Variants in SYT1 observed in about 807,000 individuals in gnomAD.
SYT1 encodes synaptotagmin 1, also known as synaptotagmin-1.
A neutral mutation model predicts 44.8 loss-of-function variants in SYT1; 8 were observed. That is an observed-to-expected ratio of 0.18 (90% CI 0.10 to 0.32). The LOEUF (loss-of-function observed/expected upper bound fraction) is 0.32, where lower values mean the gene tolerates loss of function less well. Ranked by LOEUF, SYT1 falls within the 10% of genes least tolerant of loss-of-function variation. The pLI is 1.00. For synonymous variants in SYT1, 154 were observed against 188.8 expected, an observed-to-expected ratio of 0.82 and a Z score of 1.51; for missense variants, 286 against 509.3, an observed-to-expected ratio of 0.56 and a Z score of 4.22.
chr12:78,981,712 G>C (rs1869276157), intron 2 of SYT1, among the ~76,000 whole-genome samples: 1 of 152,126 alleles, frequency 6.6e-6, no homozygotes, highest in East Asian at 1.9e-4. Flanking sequence ...TTACCAATTT[G>C]CTGCCTTTGT....
At chr12:79,291,946 A>T in intron 5 of SYT1, 62 bp from the exon 6 acceptor site, 1 of 1,602,856 alleles carries the variant, frequency 6.2e-7, no homozygotes, top group Non-Finnish European at 8.5e-7. Flanking sequence ...CTACAGGCCC[A>T]GTTCAATTTG....
chr12:79,110,129 T>C (rs549830882), intron 3 of SYT1, among the ~76,000 whole-genome samples: 1 of 152,320 alleles, frequency 6.6e-6, no homozygotes, highest in South Asian at 2.1e-4. Context: ...TTCTACTCCA[T>C]TTCTCAAGAA....
intron 3 of SYT1, among the ~76,000 whole-genome samples, chr12:79,155,488 T>C (rs933350830): frequency 1.3e-5 from 2 of 152,216 alleles, no homozygotes; most frequent in African/African-American, 4.8e-5. Context: ...GTTGACATTA[T>C]ATTCTTTTAA....
rs1197148512 is a variant in SYT1 at position 79,217,648 on chromosome 12, G to A, written c.129G>A (p.Leu43=). 6.2e-7 allele frequency: 1 copy of A among 1,612,868 alleles called. No homozygotes were observed. The highest frequency in any genetic ancestry group is 8.5e-7 in the Non-Finnish European group (1 of 1,179,514). The change falls in exon 4 of 11, where the codon CTG becomes CTA. Residue 43 remains leucine (L), a synonymous_variant. Coordinates refer to ENST00000261205, the MANE Select transcript of SYT1 (RefSeq NM_005639.3). ...GAAAGGAAGATGCATTTTCTAAGCT[G>A]AAGGAGAAGTTTATGAATGAGTTGC... ...GEGKEDAFSK[L]KEKFMNELHK... is the part of the protein sequence containing the mutation.
intron 3 of SYT1, among the ~76,000 whole-genome samples, chr12:79,051,713 G>C (rs1487010749): frequency 6.6e-6 from 1 of 151,894 alleles, no homozygotes; most frequent in East Asian, 1.9e-4. Context: ...TACTTCCCAA[G>C]ATTCTCTGAG....
intron 3 of SYT1, among the ~76,000 whole-genome samples, chr12:79,100,164 C>T (rs868711294): frequency 4.6e-4 from 70 of 151,958 alleles, no homozygotes; most frequent in Middle Eastern, 6.8e-3. Context: ...AGGAGGAGTT[C>T]GTTAATATTA....
chr12:79,211,643 A>G (rs1874464101), intron 3 of SYT1, among the ~76,000 whole-genome samples: 1 of 128,858 alleles, frequency 7.8e-6, no homozygotes, highest in African/African-American at 3.0e-5. Context: ...TCCTGTGTCC[A>G]TGTGATCTCA....
At chr12:79,238,366 G>T (rs1184370562) in intron 4 of SYT1, among the ~76,000 whole-genome samples, 2 of 152,162 alleles carry the variant, frequency 1.3e-5, no homozygotes, top group Admixed American at 6.6e-5. Flanking sequence ...CATGGCAAAT[G>T]CTTCAGATAT....
intron 3 of SYT1, among the ~76,000 whole-genome samples, chr12:79,069,019 A>T (rs373914285): frequency 6.6e-6 from 1 of 152,290 alleles, no homozygotes; most frequent in East Asian, 1.9e-4. Context: ...AGACCATTTC[A>T]ATACTCTTCC....
intron 1 of SYT1, among the ~76,000 whole-genome samples, chr12:78,932,308 TA>T (rs1877802703): frequency 6.6e-6 from 1 of 152,192 alleles, no homozygotes; most frequent in Non-Finnish European, 1.5e-5. Flanking sequence ...GAGGGAGACA[TA>T]AGCCTGCTGC....
At chr12:79,035,373 A>G (rs1253827257) in intron 2 of SYT1, among the ~76,000 whole-genome samples, 1 of 151,708 alleles carries the variant, frequency 6.6e-6, no homozygotes, top group Non-Finnish European at 1.5e-5. Context: ...CCATCCTTAT[A>G]GGAAATGTGC....
intron 4 of SYT1, among the ~76,000 whole-genome samples, chr12:79,245,506 A>G (rs1876796251): frequency 6.6e-6 from 1 of 151,334 alleles, no homozygotes; most frequent in African/African-American, 2.4e-5. Context: ...AAAAAAGAAA[A>G]AAAAAACTTC....
intron 2 of SYT1, among the ~76,000 whole-genome samples, chr12:79,012,476 T>C (rs1281221670): frequency 1.6e-4 from 25 of 152,178 alleles, no homozygotes; most frequent in Admixed American, 1.6e-3. Context: ...GGTACTATTC[T>C]GGTATACAAA....
intron 3 of SYT1, among the ~76,000 whole-genome samples, chr12:79,101,749 GTA>G (rs1158508717): frequency 6.6e-6 from 1 of 151,788 alleles, no homozygotes; most frequent in Non-Finnish European, 1.5e-5. Flanking sequence ...TCTACAAAAA[GTA>G]AAAAAATTAG....
At chr12:79,119,675 G>A (rs1254798727) in intron 3 of SYT1, among the ~76,000 whole-genome samples, 3 of 150,858 alleles carry the variant, frequency 2.0e-5, no homozygotes, top group Admixed American at 2.0e-4. Context: ...TGTCTAGAGA[G>A]TTGACGTGAC....
intron 3 of SYT1, among the ~76,000 whole-genome samples, chr12:79,125,453 A>G (rs1868378514): frequency 6.9e-6 from 1 of 145,798 alleles, no homozygotes; most frequent in Non-Finnish European, 1.5e-5. Flanking sequence ...TGTCTCTACA[A>G]AAAAAAAAAA....
intron 9 of SYT1, among the ~76,000 whole-genome samples, chr12:79,387,636 A>T (rs1884488173): frequency 6.6e-6 from 1 of 152,246 alleles, no homozygotes; most frequent in African/African-American, 2.4e-5. Flanking sequence ...CTGTGCAGGC[A>T]ATTTTTAAAT....
chr12:78,878,171 T>A (rs1874274374), intron 1 of SYT1, among the ~76,000 whole-genome samples: 1 of 151,628 alleles, frequency 6.6e-6, no homozygotes, highest in Non-Finnish European at 1.5e-5. Flanking sequence ...TAAACTTTCT[T>A]GTAGATCGGA....
Position 79,181,741 on chromosome 12 carries a change from T to C in SYT1, c.-17-35762T>C, listed in dbSNP as rs374239023. 4.6e-5 allele frequency among the ~76,000 whole-genome samples: 7 copies of C among 152,200 alleles called. 1 individual carries two copies. Among genetic ancestry groups the C allele is most frequent in the Admixed American group, 3.3e-4 (5 of 15,252 alleles). ...TACTCCTGCTGCTCCAGGCTTCAAA[T>C]GTCTGAAATTCCCACAATGCCCCTA... is the stretch of plus-strand genomic sequence containing the variant. On this transcript the variant is annotated intron_variant, in intron 3 of 10. Coordinates refer to ENST00000261205, the MANE Select transcript of SYT1 (RefSeq NM_005639.3).
Sources: gnomAD v4.1 joint callset for allele counts (sites outside exome capture counted in the v4.1 genomes callset) on GRCh38, gnomAD v4.1.1 for gene constraint, MANE v1.5 for transcripts, NCBI Gene and HGNC (gene_info 2026-07-23, HGNC 2026-07-21) for gene names.